The following EYS variants were observed in gnomAD, a reference collection of about 807,000 sequenced individuals.
The protein encoded by EYS is protein eyes shut homolog.
EYS carries 250 observed loss-of-function variants against 282.1 expected under a neutral mutation model. The ratio of observed to expected loss-of-function variants is 0.89; its 90% CI spans 0.80 to 0.98. The LOEUF is 0.98. Among genes scored for constraint, EYS ranks in the 50% least tolerant of loss-of-function variants. The pLI is 0.00. For missense variants in EYS, 4,016 were observed against 3,709.0 expected, an observed-to-expected ratio of 1.08 and a Z score of -2.15; for synonymous variants, 1,355 against 1,282.9, an observed-to-expected ratio of 1.06 and a Z score of -1.20.
intron 5 of EYS, among the ~76,000 whole-genome samples, chr6:65,474,746 A>G (rs548959215): frequency 6.6e-6 from 1 of 152,264 alleles, no homozygotes; most frequent in African/African-American, 2.4e-5. Flanking sequence ...ATGAAAATAA[A>G]TGTTGTCATT....
intron 36 of EYS, among the ~76,000 whole-genome samples, chr6:63,842,612 T>G (rs527830449): frequency 6.6e-6 from 1 of 152,362 alleles, no homozygotes; most frequent in Non-Finnish European, 1.5e-5. Context: ...TTTCGTTTAA[T>G]TAGATCCCAT....
chr6:64,022,352 G>T (rs986044771), intron 33 of EYS, among the ~76,000 whole-genome samples: 9 of 152,122 alleles, frequency 5.9e-5, no homozygotes, highest in African/African-American at 2.2e-4. Context: ...CAGGTATCCA[G>T]AATCTATTCA....
rs1466359401 is a variant in EYS, at chr6:64,074,523, C to A, written c.6571+7333G>T. Among the ~76,000 whole-genome samples, 3 of 151,608 alleles carry A rather than the reference C, an allele frequency of 2.0e-5. No homozygotes were observed. In the East Asian group the frequency reaches 5.8e-4, roughly 29 times the overall value. On this transcript the variant is annotated intron_variant, in intron 32 of 42. Transcript: ENST00000503581. ...TTCATTGTTTATATGGTACCACTCC[C>A]ATTAAACATGGGTATTCTTCTCTAA...
intron 22 of EYS, among the ~76,000 whole-genome samples, chr6:64,664,991 C>G (rs184309527): frequency 9.1e-4 from 138 of 152,272 alleles, no homozygotes; most frequent in African/African-American, 2.9e-3. Context: ...ACATCAATTT[C>G]TTGCATATTT....
intron 34 of EYS, among the ~76,000 whole-genome samples, chr6:63,995,803 G>A (rs1181383619): frequency 6.6e-6 from 1 of 151,784 alleles, no homozygotes; most frequent in Non-Finnish European, 1.5e-5. Flanking sequence ...TCAGGGATGG[G>A]GATAGACAGA....
chr6:63,943,690 A>G (rs1765307261), intron 35 of EYS, among the ~76,000 whole-genome samples: 2 of 152,304 alleles, frequency 1.3e-5, no homozygotes, highest in South Asian at 4.1e-4. Flanking sequence ...CTATTTTGGT[A>G]GAGTGCTTTT....
At chr6:64,998,690 A>G (rs1027590534) in intron 13 of EYS, among the ~76,000 whole-genome samples, 2 of 152,200 alleles carry the variant, frequency 1.3e-5, no homozygotes, top group African/African-American at 4.8e-5. Flanking sequence ...CCTCTCATTG[A>G]CTACAAATTG....
intron 22 of EYS, among the ~76,000 whole-genome samples, chr6:64,673,885 A>C (rs1769555323): frequency 6.6e-6 from 1 of 152,072 alleles, no homozygotes; most frequent in Non-Finnish European, 1.5e-5. Flanking sequence ...CTATTAGAAA[A>C]ATTTATGTTT....
intron 13 of EYS, among the ~76,000 whole-genome samples, chr6:65,038,314 T>C (rs879493061): frequency 6.6e-6 from 1 of 151,512 alleles, no homozygotes; most frequent in African/African-American, 2.4e-5. Flanking sequence ...TTTTAATGTT[T>C]TTCCTTATTT....
chr6:64,319,332 A>T (rs2150383251), intron 29 of EYS, among the ~76,000 whole-genome samples: 1 of 152,006 alleles, frequency 6.6e-6, no homozygotes, highest in African/African-American at 2.4e-5. Context: ...ATAATTAGGT[A>T]AAAGTTTTAG....
chr6:64,128,147 A>G (rs1773845766), intron 31 of EYS, among the ~76,000 whole-genome samples: 1 of 152,174 alleles, frequency 6.6e-6, no homozygotes, highest in African/African-American at 2.4e-5. Context: ...TCTGATGTGT[A>G]CAGAGCTTAT....
intron 13 of EYS, among the ~76,000 whole-genome samples, chr6:65,006,459 A>T (rs1368554682): frequency 7.4e-6 from 1 of 134,988 alleles, no homozygotes; most frequent in Non-Finnish European, 1.5e-5. Flanking sequence ...TTTAGAGGAA[A>T]CCTCGTTGTG....
intron 30 of EYS, among the ~76,000 whole-genome samples, chr6:64,304,711 C>T (rs1410884757): frequency 6.6e-6 from 1 of 152,036 alleles, no homozygotes; most frequent in African/African-American, 2.4e-5. Context: ...AAATCAAAAA[C>T]AGAAGTAAAA....
intron 2 of EYS, among the ~76,000 whole-genome samples, chr6:65,590,738 T>C (rs976396767): frequency 6.6e-6 from 1 of 152,056 alleles, no homozygotes; most frequent in African/African-American, 2.4e-5. Context: ...TGTCTTTCTA[T>C]GCCTGGCTTG....
At chr6:64,542,406 A>C (rs1433181295) in intron 26 of EYS, among the ~76,000 whole-genome samples, 1 of 152,038 alleles carries the variant, frequency 6.6e-6, no homozygotes, top group Non-Finnish European at 1.5e-5. Context: ...TAGGGAGGAA[A>C]AACCTCTCAA....
At chr6:65,176,687 T>G (rs1266173110) in intron 12 of EYS, among the ~76,000 whole-genome samples, 2 of 151,634 alleles carry the variant, frequency 1.3e-5, no homozygotes, top group Non-Finnish European at 3.0e-5. Context: ...AATCCAAATT[T>G]CAGTTCCTTG....
In EYS at chr6:64,458,952, T is replaced by A. The variant is rs561103891; in HGVS notation, c.5645-19600A>T. ...ATGTTAAACACAGTCTTTGCAATAC[T>A]TTAAACATTCTCATTTCTAAGACAT... On this transcript the variant is annotated intron_variant, in intron 26 of 42. Coordinates refer to ENST00000503581, the MANE Select transcript of EYS (RefSeq NM_001142800.2). Among the ~76,000 whole-genome samples, 49 of 152,326 alleles carry A rather than the reference T, an allele frequency of 3.2e-4. 1 individual carries two copies. The highest frequency in any genetic ancestry group is 3.1e-4 in the Non-Finnish European group (21 of 68,010).
chr6:65,312,652 T>C (rs1208152628), intron 11 of EYS, among the ~76,000 whole-genome samples: 1 of 152,214 alleles, frequency 6.6e-6, no homozygotes, highest in Non-Finnish European at 1.5e-5. Context: ...ATGTTTTACA[T>C]GTAAACAAGT....
intron 2 of EYS, among the ~76,000 whole-genome samples, chr6:65,556,749 C>T (rs530986892): frequency 3.0e-4 from 46 of 151,992 alleles, no homozygotes; most frequent in Non-Finnish European, 4.7e-4. Context: ...TTCAGGTGTA[C>T]CTTGACTTAA....
Sources: gnomAD v4.1 joint callset for allele counts (sites outside exome capture counted in the v4.1 genomes callset) on GRCh38, gnomAD v4.1.1 for gene constraint, MANE v1.5 for transcripts, NCBI Gene and HGNC (gene_info 2026-07-23, HGNC 2026-07-21) for gene names.